The following CMC2 variants were observed in gnomAD, a reference collection of about 807,000 sequenced individuals.
CMC2 encodes C-X9-C motif containing 2.
A neutral mutation model predicts 7.5 loss-of-function variants in CMC2; 5 were observed. That is an observed-to-expected ratio of 0.66 (90% confidence interval 0.35 to 1.40). The LOEUF is 1.40. Ranked by LOEUF, CMC2 falls within the 40% of genes most tolerant of loss-of-function variation. The pLI is 0.04. For missense variants in CMC2, 115 were observed against 92.3 expected (o/e 1.25, Z -1.01); for synonymous variants, 37 against 31.4 (o/e 1.18, Z -0.60).
intron 2 of CMC2, chr16:80,982,221 T>C (rs78062694): frequency 0.012 from 2,091 of 171,392 alleles, 44 homozygotes; most frequent in African/African-American, 0.046. Flanking sequence ...ATGTAAATAC[T>C]GGCCGGGCAC....
chr16:81,004,440 C>T (rs979046289), intron 1 of CMC2, among the ~76,000 whole-genome samples: 3 of 152,238 alleles, frequency 2.0e-5, no homozygotes, highest in Non-Finnish European at 4.4e-5. Context: ...GGCTTAACTA[C>T]TCTGACTTCC....
chr16:80,989,027 G>T (rs1480267837), intron 2 of CMC2, among the ~76,000 whole-genome samples: 2 of 152,146 alleles, frequency 1.3e-5, no homozygotes, highest in African/African-American at 4.8e-5. Context: ...TGTCTTCAGT[G>T]TATCACATCA....
chr16:80,997,291 C>A, intron 2 of CMC2, 23 bp downstream of exon 2: 2 of 1,226,506 alleles, frequency 1.6e-6, no homozygotes, highest in Admixed American at 1.7e-5. Context: ...TTTGGCTGTA[C>A]AGTCGTTTTT....
rs376214651 is a variant in CMC2 at position 81,005,029 on chromosome 16, T to C, written c.-36+1705A>G. ...TTTACACTACAGTTGTAATTTCTAATGCTACTGCAAAATAAGCAAAAAACA... is the reference window on the plus strand; with the variant it reads ...TTTACACTACAGTTGTAATTTCTAACGCTACTGCAAAATAAGCAAAAAACA... On this transcript the variant is annotated intron_variant, in intron 1 of 3. Coordinates refer to ENST00000219400, the MANE Select transcript of CMC2 (RefSeq NM_020188.5). Among the ~76,000 whole-genome samples, 14 of 152,350 alleles carry C rather than the reference T, an allele frequency of 9.2e-5. No individual in the cohort carries two copies. In the East Asian group the frequency reaches 2.3e-3, roughly 25 times the overall value.
intron 1 of CMC2, among the ~76,000 whole-genome samples, chr16:81,002,994 T>A (rs2602412): frequency 0.63 from 95,493 of 151,772 alleles, 31,546 homozygotes; most frequent in South Asian, 0.79. Flanking sequence ...CTCCCTTCTT[T>A]CTTCTACCAC....
chr16:81,001,962 G>A (rs890471962), intron 1 of CMC2, among the ~76,000 whole-genome samples: 1 of 152,064 alleles, frequency 6.6e-6, no homozygotes, highest in African/African-American at 2.4e-5. Flanking sequence ...TTGTTTGCCT[G>A]CCACTGACTC....
intron 3 of CMC2, chr16:80,980,923 T>C (rs1459094893): frequency 3.0e-6 from 2 of 661,618 alleles, no homozygotes; most frequent in African/African-American, 3.6e-5. Flanking sequence ...ACTATTACTC[T>C]TCACTGAGTA....
chr16:80,989,942 C>A (rs186774393), intron 2 of CMC2, among the ~76,000 whole-genome samples: 1 of 152,330 alleles, frequency 6.6e-6, no homozygotes, highest in Non-Finnish European at 1.5e-5. Context: ...CTACTAACAA[C>A]AGCTCTACTT....
chr16:80,980,205 C>G (rs1417762721), intron 3 of CMC2, among the ~76,000 whole-genome samples: 1 of 152,232 alleles, frequency 6.6e-6, no homozygotes, highest in Non-Finnish European at 1.5e-5. Context: ...CAGATGCCAG[C>G]TCACAAGTTT....
chr16:80,997,871 A>G (rs1369895993), intron 1 of CMC2: 1 of 152,356 alleles, frequency 6.6e-6, no homozygotes, highest in East Asian at 1.9e-4. Flanking sequence ...GTCTCATATT[A>G]GTGTGAATAT....
In CMC2 at chr16:80,997,408, G is replaced by A. The variant is rs780201804; in HGVS notation, c.-14C>T. 8 of 1,603,448 alleles carry A rather than the reference G, an allele frequency of 5.0e-6. No homozygotes were observed. In the South Asian group the frequency reaches 8.8e-5, roughly 18 times the overall value. Reference sequence around the variant, plus strand: ...GTCAGGATGCATCTTTAGGAGATGAGGATGGATCACAGCAGTGCAACCTGT... The same window carrying A: ...GTCAGGATGCATCTTTAGGAGATGAAGATGGATCACAGCAGTGCAACCTGT... On this transcript the variant is annotated 5_prime_UTR_variant, in exon 2 of 4. Coordinates refer to ENST00000219400, the MANE Select transcript of CMC2 (RefSeq NM_020188.5).
At chr16:80,981,502 A>G (rs1301984932) in intron 3 of CMC2, among the ~76,000 whole-genome samples, 1 of 152,232 alleles carries the variant, frequency 6.6e-6, no homozygotes, top group Non-Finnish European at 1.5e-5. Context: ...GGTGACTGAT[A>G]TAAGTCTTTC....
chr16:80,997,489 A>G, intron 1 of CMC2, 60 bp from the exon 2 acceptor site: 1 of 879,300 alleles, frequency 1.1e-6, no homozygotes, highest in Non-Finnish European at 1.9e-6. Flanking sequence ...ACCTAAAAGT[A>G]TCTTCATAAG....
At position 80,988,986 on chromosome 16, in the gene CMC2, T is replaced by A. The variant is rs138089312; in HGVS notation, c.82-7109A>T. Reference sequence around the variant, plus strand: ...TCACAACTCGATTCAGGTCGTGACTTTTTGGCAGGAATACCCTAGAAGTGA... The same window carrying A: ...TCACAACTCGATTCAGGTCGTGACTATTTGGCAGGAATACCCTAGAAGTGA... On this transcript the variant is annotated intron_variant, in intron 2 of 3. Transcript: ENST00000219400. Among the ~76,000 whole-genome samples, 51 of 152,332 alleles carry A rather than the reference T, an allele frequency of 3.3e-4. 1 individual carries two copies. The highest frequency in any genetic ancestry group is 1.2e-3 in the African/African-American group (51 of 41,568).
At chr16:80,996,825 C>T in intron 2 of CMC2, 1 of 180,594 alleles carries the variant, frequency 5.5e-6, no homozygotes, top group Admixed American at 5.7e-5. Context: ...TGGTTTTAAC[C>T]ATGTAATTTT....
At chr16:80,990,205 C>CT (rs959791848) in intron 2 of CMC2, among the ~76,000 whole-genome samples, 56 of 151,146 alleles carry the variant, frequency 3.7e-4, no homozygotes, top group African/African-American at 1.4e-3. Context: ...CAGTCTCACT[C>CT]TGTCACCCAG....
At chr16:80,984,255 G>A (rs1967352667) in intron 2 of CMC2, among the ~76,000 whole-genome samples, 1 of 152,146 alleles carries the variant, frequency 6.6e-6, no homozygotes, top group Non-Finnish European at 1.5e-5. Flanking sequence ...TTCAAGGGTG[G>A]GTCAGACAGC....
At chr16:80,981,609 G>T (rs1009376174) in intron 3 of CMC2, among the ~76,000 whole-genome samples, 197 bp downstream of exon 3, 1 of 152,110 alleles carries the variant, frequency 6.6e-6, no homozygotes, top group Non-Finnish European at 1.5e-5. Context: ...TGTGTTCATG[G>T]CCAAAAAGCC....
At chr16:80,998,103 CTTTTTTTTTTTTTTT>C (rs35026954) in intron 1 of CMC2, 2 of 128,320 alleles carry the variant, frequency 1.6e-5, no homozygotes, top group Admixed American at 1.6e-4. Flanking sequence ...GGCAGCTGTT[CTTTTTTTTTTTTTTT>C]TTTTGTAGTC....
Sources: allele counts gnomAD v4.1 joint callset (sites outside exome capture counted in the v4.1 genomes callset), GRCh38; gene constraint gnomAD v4.1.1; transcripts MANE v1.5; gene names NCBI Gene and HGNC (gene_info 2026-07-23, HGNC 2026-07-21).